ARNT2: variants seen among roughly 807,000 people sequenced by gnomAD.
ARNT2 encodes ARNT protein 2.
In ARNT2, 36 loss-of-function variants were observed where a neutral mutation model predicts 91.7. That is an observed-to-expected ratio of 0.39 (90% CI 0.30 to 0.52). The LOEUF (loss-of-function observed/expected upper bound fraction) is 0.52, where lower values mean the gene tolerates loss of function less well. ARNT2 is among the 20% of genes least tolerant of loss of function. ARNT2 has a pLI of 0.72. For synonymous variants in ARNT2, 365 were observed against 347.1 expected, an observed-to-expected ratio of 1.05 and a Z score of -0.57; for missense variants, 775 against 939.3, an observed-to-expected ratio of 0.83 and a Z score of 2.29.
At chr15:80,538,976 C>G (rs1897864845) in intron 8 of ARNT2, among the ~76,000 whole-genome samples, 1 of 151,540 alleles carries the variant, frequency 6.6e-6, no homozygotes, top group Non-Finnish European at 1.5e-5. Context: ...AAGCTAATTC[C>G]TGGAAGGAAG....
chr15:80,443,790 T>C (rs1896233788), intron 1 of ARNT2, among the ~76,000 whole-genome samples: 1 of 152,188 alleles, frequency 6.6e-6, no homozygotes, highest in East Asian at 1.9e-4. Context: ...AGCCACTGTT[T>C]GCCTTCACAA....
chr15:80,484,477 G>A (rs1896936452), intron 5 of ARNT2, among the ~76,000 whole-genome samples: 1 of 152,186 alleles, frequency 6.6e-6, no homozygotes, highest in Admixed American at 6.5e-5. Context: ...AGCCTCCTTA[G>A]ATCTGTTATC....
At chr15:80,508,131 G>A (rs755474669) in intron 5 of ARNT2, 25 bp from the exon 6 acceptor site, 42 of 1,611,784 alleles carry the variant, frequency 2.6e-5, no homozygotes, top group Non-Finnish European at 3.3e-5. Context: ...AGAGGCTTAC[G>A]TAACTGTCCT....
At chr15:80,569,970 C>T (rs932256238) in intron 12 of ARNT2, among the ~76,000 whole-genome samples, 1 of 152,250 alleles carries the variant, frequency 6.6e-6, no homozygotes, top group Non-Finnish European at 1.5e-5. Flanking sequence ...GAGTTCACTG[C>T]TTCAACCCCA....
At chr15:80,500,267 AG>A (rs1566988076) in intron 5 of ARNT2, among the ~76,000 whole-genome samples, 1 of 152,238 alleles carries the variant, frequency 6.6e-6, no homozygotes, top group Non-Finnish European at 1.5e-5. Context: ...CAGTGACCAA[AG>A]CATCCTCCAG....
At chr15:80,469,258 TCA>T (rs1262840407) in intron 3 of ARNT2, among the ~76,000 whole-genome samples, 1 of 151,556 alleles carries the variant, frequency 6.6e-6, no homozygotes, top group Non-Finnish European at 1.5e-5. Context: ...TCATAACACA[TCA>T]CAGAGATTGC....
chr15:80,441,708 G>GT (rs888276561), intron 1 of ARNT2, among the ~76,000 whole-genome samples: 6 of 152,036 alleles, frequency 3.9e-5, no homozygotes, highest in East Asian at 1.9e-4. Context: ...CAAGTTCCAC[G>GT]TTTTTTCCAG....
rs112621457 is a variant in ARNT2, at chr15:80,437,442, G to A, written c.32-13438G>A. ...TCCTGAGTATTTCAGATATTTTACC[G>A]TGCACATTTACTACTGTACTAATCA... On this transcript the variant is annotated intron_variant, in intron 1 of 18. Transcript: ENST00000303329. Among the ~76,000 whole-genome samples, 295 of 151,954 alleles carry A rather than the reference G, an allele frequency of 1.9e-3. 1 individual carries two copies. Among genetic ancestry groups the A allele is most frequent in the African/African-American group, 6.6e-3 (274 of 41,406 alleles).
chr15:80,577,256 A>T (rs1898693704), intron 15 of ARNT2, among the ~76,000 whole-genome samples: 2 of 152,206 alleles, frequency 1.3e-5, no homozygotes, highest in South Asian at 4.1e-4. Flanking sequence ...TCTAGCCAGG[A>T]CCCAAGTGAG....
intron 1 of ARNT2, among the ~76,000 whole-genome samples, chr15:80,429,643 G>C (rs949231353): frequency 1.3e-5 from 2 of 152,238 alleles, no homozygotes; most frequent in African/African-American, 4.8e-5. Context: ...TTCGGTTGGT[G>C]AGAAGTGTAG....
At chr15:80,476,229 G>T (rs1010345857) in intron 5 of ARNT2, among the ~76,000 whole-genome samples, 4 of 152,176 alleles carry the variant, frequency 2.6e-5, no homozygotes, top group Non-Finnish European at 4.4e-5. Context: ...ATCAGACGGA[G>T]AGTTTTAACT....
rs752174528 is a variant in ARNT2 at position 80,552,731 on chromosome 15, T to C, written c.1046T>C (p.Phe349Ser). The C allele has an allele frequency of 6.2e-7, 1 of 1,614,114 alleles. No individual in the cohort carries two copies. Among genetic ancestry groups the C allele is most frequent in the South Asian group, 1.1e-5 (1 of 91,054 alleles). ...CATAACTCCGATGGAATCATCACAT[T>C]TGTGGATCCAAGATGTATCAGTGTG... ...SRHNSDGIIT[F>S]VDPRCISVIG... The change falls in exon 10 of 19, where the codon TTT (phenylalanine) becomes TCT (serine). Residue 349 changes from phenylalanine (F) to serine (S), a missense_variant. Phe to Ser is a radical substitution (Grantham distance 155, BLOSUM62 -2). Transcript: ENST00000303329.
chr15:80,508,314 C>A, intron 6 of ARNT2, 56 bp downstream of exon 6: 1 of 1,566,612 alleles, frequency 6.4e-7, no homozygotes, highest in South Asian at 1.1e-5. Context: ...CTTTTTCTGT[C>A]ACCGTTAAGA....
intron 2 of ARNT2, 111 bp from the exon 3 acceptor site, chr15:80,457,818 T>C: frequency 8.7e-7 from 1 of 1,154,664 alleles, no homozygotes; most frequent in Non-Finnish European, 1.3e-6. Context: ...AAGGTTGGGA[T>C]CAATGGATAG....
In ARNT2 at chr15:80,552,636, C is replaced by G. The variant is rs1229395149; in HGVS notation, c.955-4C>G. 1.2e-6 allele frequency: 2 copies of G among 1,613,500 alleles called. No individual in the cohort carries two copies. Among genetic ancestry groups the G allele is most frequent in the Admixed American group, 1.7e-5 (1 of 59,974 alleles). ...ACCTCAACTGTGGATTTTCCCCATCCCAGGTGACCAGCTCTCCTGTATGCA... is the reference window on the plus strand; with the variant it reads ...ACCTCAACTGTGGATTTTCCCCATCGCAGGTGACCAGCTCTCCTGTATGCA... On this transcript the variant is annotated splice_polypyrimidine_tract_variant and splice_region_variant and intron_variant, in intron 9 of 18. Transcript: ENST00000303329.
intron 11 of ARNT2, among the ~76,000 whole-genome samples, chr15:80,562,156 C>G (rs1171774332): frequency 1.3e-5 from 2 of 151,760 alleles, no homozygotes; most frequent in Admixed American, 6.6e-5. Flanking sequence ...CTCACTGTAA[C>G]CTCTGCCTCC....
chr15:80,441,725 G>A lies in ARNT2; in HGVS notation c.32-9155G>A, dbSNP rs374676975. Among the ~76,000 whole-genome samples the A allele has an allele frequency of 1.1e-4, 16 of 152,026 alleles. No individual in the cohort carries two copies. In the South Asian group the frequency reaches 2.5e-3, roughly 24 times the overall value. ...AGTTCCACGTTTTTTCCAGGTTTTC[G>A]CTGCCTACACTGTATTATAGGAATT... On this transcript the variant is annotated intron_variant, in intron 1 of 18. Transcript: ENST00000303329.
Position 80,477,497 on chromosome 15 carries a change from C to T in ARNT2, c.622+2274C>T, listed in dbSNP as rs146526480. ...TTTGGGGAGAGCGTAAGCATTTAGTCCATTGCATTCAAGATCAGTATATCA... is the reference window on the plus strand; with the variant it reads ...TTTGGGGAGAGCGTAAGCATTTAGTTCATTGCATTCAAGATCAGTATATCA... On this transcript the variant is annotated intron_variant, in intron 5 of 18. Coordinates refer to ENST00000303329, the MANE Select transcript of ARNT2 (RefSeq NM_014862.4). Among the ~76,000 whole-genome samples, 1,009 of 152,310 alleles carry T rather than the reference C, an allele frequency of 6.6e-3. 8 individuals carry two copies. Among genetic ancestry groups the T allele is most frequent in the African/African-American group, 0.023 (954 of 41,560 alleles).
intron 12 of ARNT2, among the ~76,000 whole-genome samples, chr15:80,572,416 A>T (rs548566311): frequency 2.0e-5 from 3 of 151,828 alleles, no homozygotes; most frequent in Non-Finnish European, 4.4e-5. Context: ...CTCCCCAGGA[A>T]GCTGGTCTAC....
Sources: gnomAD v4.1 joint callset for allele counts (sites outside exome capture counted in the v4.1 genomes callset) on GRCh38, gnomAD v4.1.1 for gene constraint, MANE v1.5 for transcripts, NCBI Gene and HGNC (gene_info 2026-07-23, HGNC 2026-07-21) for gene names.